Variants in FBXW7 observed in about 807,000 individuals in gnomAD.
FBXW7 encodes the protein F-box/WD repeat-containing protein 7.
FBXW7 carries 11 observed loss-of-function variants against 86.3 expected under a neutral mutation model. The ratio of observed to expected loss-of-function variants is 0.13; its 90% CI spans 0.08 to 0.21. The LOEUF is 0.21. FBXW7 is among the 10% of genes least tolerant of loss of function. The probability of loss-of-function intolerance (pLI) is 1.00; values close to 1 mark genes in which losing one functional copy is unlikely to be tolerated. For missense variants in FBXW7, 488 were observed against 847.4 expected (o/e 0.58, Z 5.27); for synonymous variants, 313 against 297.9 (o/e 1.05, Z -0.52).
intron 2 of FBXW7, among the ~76,000 whole-genome samples, chr4:152,458,101 CCT>C (rs1742603759): frequency 6.6e-6 from 1 of 152,128 alleles, no homozygotes. Context: ...CTCACTGCAA[CCT>C]CTGCCTCCCG....
chr4:152,420,058 T>C (rs1009969945), intron 2 of FBXW7, among the ~76,000 whole-genome samples: 1 of 152,206 alleles, frequency 6.6e-6, no homozygotes, highest in Non-Finnish European at 1.5e-5. Flanking sequence ...TTTACCTAAC[T>C]GTAGATCTTC....
At chr4:152,483,281 A>C in intron 2 of FBXW7, among the ~76,000 whole-genome samples, 1 of 151,866 alleles carries the variant, frequency 6.6e-6, no homozygotes, top group East Asian at 1.9e-4. Flanking sequence ...ACTTTGCTAT[A>C]TGTTACAAAT....
intron 2 of FBXW7, among the ~76,000 whole-genome samples, chr4:152,501,399 TC>T (rs991151407): frequency 6.6e-6 from 1 of 152,180 alleles, no homozygotes; most frequent in African/African-American, 2.4e-5. Context: ...GAAATAAACA[TC>T]AGCAATAACA....
At chr4:152,364,057 C>G (rs1733230570) in intron 4 of FBXW7, among the ~76,000 whole-genome samples, 1 of 152,156 alleles carries the variant, frequency 6.6e-6, no homozygotes, top group African/African-American at 2.4e-5. Context: ...AAGAGACGGA[C>G]TATGCAGCTA....
intron 13 of FBXW7, 123 bp from the exon 14 acceptor site, chr4:152,323,272 A>C (rs1361545924): frequency 8.6e-7 from 1 of 1,157,090 alleles, no homozygotes; most frequent in Non-Finnish European, 1.2e-6. Flanking sequence ...AATGATACAT[A>C]TTTAGAAACC....
chr4:152,446,344 G>C (rs1238036119), intron 2 of FBXW7, among the ~76,000 whole-genome samples: 1 of 80,494 alleles, frequency 1.2e-5, no homozygotes, highest in Non-Finnish European at 2.3e-5. Context: ...AAAGTGAAAG[G>C]AGAGGTTTTA....
intron 4 of FBXW7, among the ~76,000 whole-genome samples, chr4:152,360,290 G>C (rs1266664196): frequency 2.0e-5 from 3 of 152,096 alleles, no homozygotes; most frequent in Non-Finnish European, 4.4e-5. Flanking sequence ...CAAACAAGGG[G>C]ACTTTCTGTT....
chr4:152,400,053 A>T (rs1309190680), intron 4 of FBXW7, among the ~76,000 whole-genome samples: 1 of 152,234 alleles, frequency 6.6e-6, no homozygotes, highest in Non-Finnish European at 1.5e-5. Flanking sequence ...TTCAAGGCTT[A>T]CTATAAAGCT....
At position 152,346,927 on chromosome 4, in the gene FBXW7, C is replaced by T. The variant is rs199551496; in HGVS notation, c.726+3G>A. 3 of 1,612,692 alleles carry T rather than the reference C, an allele frequency of 1.9e-6. No individual in the cohort carries two copies. Among genetic ancestry groups the T allele is most frequent in the Non-Finnish European group, 2.5e-6 (3 of 1,179,486 alleles). ...TTTCAAGTACTATGTTTAGATATGT[C>T]ACCTGAAACATTTTTAGCCATTCCT... On this transcript the variant is annotated splice_donor_region_variant and intron_variant, in intron 6 of 13. Coordinates refer to ENST00000281708, the MANE Select transcript of FBXW7 (RefSeq NM_001349798.2).
Position 152,340,217 on chromosome 4 carries a change from A to C in FBXW7, c.727-2281T>G, listed in dbSNP as rs1479770443. Among the ~76,000 whole-genome samples, 3 of 152,186 alleles carry C rather than the reference A, an allele frequency of 2.0e-5. 1 individual carries two copies. The South Asian group carries it at 6.2e-4, about 32-fold the overall frequency. ...CTTTAATAAGAACCAGAGACAATTT[A>C]AAACGTCTCAATTTAAATTATCTAT... On this transcript the variant is annotated intron_variant, in intron 6 of 13. Coordinates refer to ENST00000281708, the MANE Select transcript of FBXW7 (RefSeq NM_001349798.2).
intron 4 of FBXW7, among the ~76,000 whole-genome samples, chr4:152,375,611 G>A (rs117177574): frequency 0.011 from 1,733 of 151,840 alleles, 24 homozygotes; most frequent in East Asian, 0.043. Flanking sequence ...AACATATATC[G>A]TTATTTTCTC....
intron 4 of FBXW7, among the ~76,000 whole-genome samples, chr4:152,362,311 T>C (rs1733039727): frequency 2.0e-5 from 3 of 152,112 alleles, no homozygotes; most frequent in Admixed American, 1.3e-4. Flanking sequence ...TTATACAATA[T>C]GAAAAAATCC....
intron 2 of FBXW7, among the ~76,000 whole-genome samples, chr4:152,502,028 T>C (rs1422522185): frequency 6.6e-6 from 1 of 152,184 alleles, no homozygotes; most frequent in Admixed American, 6.5e-5. Context: ...TTGGTACTGT[T>C]CCTATGACAT....
intron 2 of FBXW7, among the ~76,000 whole-genome samples, chr4:152,413,732 T>C (rs1441221631): frequency 1.3e-5 from 2 of 152,148 alleles, no homozygotes; most frequent in Non-Finnish European, 2.9e-5. Context: ...ACATGTCAAT[T>C]TTCTGGAGGA....
At chr4:152,523,220 T>C (rs771506411) in intron 2 of FBXW7, among the ~76,000 whole-genome samples, 1 of 152,092 alleles carries the variant, frequency 6.6e-6, no homozygotes, top group Non-Finnish European at 1.5e-5. Context: ...GGTGGTATTA[T>C]CTTTTTTTCA....
At chr4:152,408,487 T>A (rs1399235085) in intron 4 of FBXW7, among the ~76,000 whole-genome samples, 4 of 152,138 alleles carry the variant, frequency 2.6e-5, no homozygotes, top group Admixed American at 2.6e-4. Flanking sequence ...TTCAAGAGAG[T>A]ATGACCTCTA....
At position 152,380,049 on chromosome 4, in the gene FBXW7, T is replaced by C. The variant is rs920581374; in HGVS notation, c.502-29925A>G. On this transcript the variant is annotated intron_variant, in intron 4 of 13. Coordinates refer to ENST00000281708, the MANE Select transcript of FBXW7 (RefSeq NM_001349798.2). Reference sequence around the variant, plus strand: ...AATTTTAATAGATCAAGACTGCATATAGTCTCATAAGCAATAACTATACAT... The same window carrying C: ...AATTTTAATAGATCAAGACTGCATACAGTCTCATAAGCAATAACTATACAT... 2.6e-5 allele frequency among the ~76,000 whole-genome samples: 4 copies of C among 152,120 alleles called. No homozygotes were observed. The South Asian group carries it at 6.2e-4, about 24-fold the overall frequency.
chr4:152,496,503 C>T (rs911424627), intron 2 of FBXW7, among the ~76,000 whole-genome samples: 2 of 151,896 alleles, frequency 1.3e-5, no homozygotes, highest in Admixed American at 6.6e-5. Context: ...CATGGCGAAA[C>T]CCTGTCTCTA....
chr4:152,338,823 T>C (rs1730421774), intron 6 of FBXW7, among the ~76,000 whole-genome samples: 1 of 152,176 alleles, frequency 6.6e-6, no homozygotes, highest in African/African-American at 2.4e-5. Flanking sequence ...CCTTTGTTTC[T>C]GCAAATCTAT....
Sources: allele counts gnomAD v4.1 joint callset (sites outside exome capture counted in the v4.1 genomes callset), GRCh38; gene constraint gnomAD v4.1.1; transcripts MANE v1.5; gene names NCBI Gene and HGNC (gene_info 2026-07-23, HGNC 2026-07-21).